Variants in SPON1 observed in about 807,000 individuals in gnomAD.
The protein encoded by SPON1 is spondin-1.
Under a neutral mutation model 111.7 loss-of-function variants are expected in SPON1, and 52 were observed. The observed-to-expected ratio is 0.47, with a 90% CI of 0.37 to 0.59. The LOEUF is 0.59. Among genes scored for constraint, SPON1 ranks in the 20% least tolerant of loss-of-function variants. The probability of loss-of-function intolerance (pLI) is 0.00; values close to 1 mark genes in which losing one functional copy is unlikely to be tolerated. For missense variants in SPON1, 957 were observed against 1,068.5 expected, an observed-to-expected ratio of 0.90 and a Z score of 1.46; for synonymous variants, 410 against 395.8, an observed-to-expected ratio of 1.04 and a Z score of -0.43.
chr11:14,007,352 G>T (rs1284543987), intron 2 of SPON1, among the ~76,000 whole-genome samples: 3 of 152,188 alleles, frequency 2.0e-5, no homozygotes, highest in Non-Finnish European at 4.4e-5. Context: ...TGAGGAGCAA[G>T]GAGAGCCAGT....
At chr11:14,067,176 C>CAA (rs147211848) in intron 3 of SPON1, among the ~76,000 whole-genome samples, 5 of 151,270 alleles carry the variant, frequency 3.3e-5, no homozygotes, top group South Asian at 2.1e-4. Flanking sequence ...GACTCTGCCT[C>CAA]AAAAAAAACA....
intron 2 of SPON1, among the ~76,000 whole-genome samples, chr11:14,041,046 G>A (rs1233151567): frequency 6.6e-6 from 1 of 152,166 alleles, no homozygotes; most frequent in Non-Finnish European, 1.5e-5. Context: ...TAGGAACTGC[G>A]CTAGTAAAAA....
intron 6 of SPON1, among the ~76,000 whole-genome samples, chr11:14,182,932 AT>A (rs1219210087): frequency 1.3e-5 from 2 of 152,176 alleles, no homozygotes; most frequent in Non-Finnish European, 2.9e-5. Flanking sequence ...GAGACCAGCA[AT>A]TAGTTGCCGT....
intron 2 of SPON1, among the ~76,000 whole-genome samples, chr11:14,040,713 T>C (rs1554917201): frequency 6.6e-6 from 1 of 152,140 alleles, no homozygotes; most frequent in Non-Finnish European, 1.5e-5. Flanking sequence ...CTAGAACATA[T>C]TAAACACTCA....
chr11:14,112,349 A>C (rs984342745), intron 5 of SPON1, among the ~76,000 whole-genome samples: 1 of 152,208 alleles, frequency 6.6e-6, no homozygotes, highest in African/African-American at 2.4e-5. Context: ...CCAGCATTGT[A>C]CCAATTCTAA....
intron 6 of SPON1, among the ~76,000 whole-genome samples, chr11:14,182,952 G>C (rs1237001621): frequency 1.3e-5 from 2 of 152,200 alleles, no homozygotes; most frequent in African/African-American, 2.4e-5. Flanking sequence ...GTCCAAGCTA[G>C]TGTCTCTGCA....
intron 3 of SPON1, among the ~76,000 whole-genome samples, chr11:14,044,090 T>C (rs1394942487): frequency 1.4e-5 from 2 of 140,624 alleles, no homozygotes; most frequent in Admixed American, 1.4e-4. Flanking sequence ...GCCCTGGGGA[T>C]ATTAGGCAAG....
At chr11:14,026,026 TC>T (rs1554915269) in intron 2 of SPON1, among the ~76,000 whole-genome samples, 1 of 152,200 alleles carries the variant, frequency 6.6e-6, no homozygotes, top group East Asian at 1.9e-4. Flanking sequence ...TGAAAGAGCT[TC>T]CTCCTGTCAT....
chr11:14,253,230 A>G (rs536557222), intron 7 of SPON1, among the ~76,000 whole-genome samples: 9 of 152,342 alleles, frequency 5.9e-5, no homozygotes, highest in Admixed American at 2.0e-4. Flanking sequence ...AAGTCCATTC[A>G]GGAAGGCTTT....
intron 3 of SPON1, among the ~76,000 whole-genome samples, chr11:14,046,451 T>C (rs548349140): frequency 1.3e-5 from 2 of 152,324 alleles, no homozygotes; most frequent in South Asian, 4.1e-4. Context: ...ATCTACCTAT[T>C]TTTCCCCAAA....
chr11:14,063,754 C>T (rs1270356942), intron 3 of SPON1, among the ~76,000 whole-genome samples: 1 of 152,210 alleles, frequency 6.6e-6, no homozygotes, highest in Non-Finnish European at 1.5e-5. Context: ...TGCTTGGTTT[C>T]ACCTCCTGGT....
intron 6 of SPON1, among the ~76,000 whole-genome samples, chr11:14,199,030 A>C (rs558184648): frequency 6.6e-6 from 1 of 152,292 alleles, no homozygotes; most frequent in Admixed American, 6.5e-5. Context: ...CATAAGTAAT[A>C]GTGTTTCCTA....
chr11:14,036,194 G>T (rs1554916612), intron 2 of SPON1, among the ~76,000 whole-genome samples: 1 of 152,164 alleles, frequency 6.6e-6, no homozygotes, highest in Non-Finnish European at 1.5e-5. Context: ...TGAGGAAGGA[G>T]ATAATTATAT....
rs149809812 is a variant in SPON1 at position 14,132,271 on chromosome 11, C to A, written c.677-3149C>A. Among the ~76,000 whole-genome samples, 422 of 151,280 alleles carry A rather than the reference C, an allele frequency of 2.8e-3. 1 individual carries two copies. The highest frequency in any genetic ancestry group is 9.3e-3 in the African/African-American group (385 of 41,214). On this transcript the variant is annotated intron_variant, in intron 5 of 15. Transcript: ENST00000576479. The stretch of plus-strand genomic sequence containing the variant: ...CTAGCCCAGGCAACAGTACAAGACT[C>A]CGTCTCAAAAAAAAAAAAATTGAAT...
intron 6 of SPON1, among the ~76,000 whole-genome samples, chr11:14,162,111 T>A (rs1431849393): frequency 2.1e-5 from 3 of 144,202 alleles, no homozygotes; most frequent in African/African-American, 7.9e-5. Flanking sequence ...CGAGCTGAGA[T>A]AGTGCCACTG....
At position 13,963,001 on chromosome 11, in the gene SPON1, AC is replaced by A. The variant is rs1554907659; in HGVS notation, c.100del (p.Leu34TrpfsTer47). Reference sequence around the variant, plus strand: ...CGCGGCGCTGGCCTTCTCCGACGAGACCCTGGACAAAGTGCCCAAGTCAGAG... The same window carrying A: ...CGCGGCGCTGGCCTTCTCCGACGAGACCTGGACAAAGTGCCCAAGTCAGAG... Reference protein sequence around the residue: ...LAAALAFSDETLDKVPKSEGY... With the variant: ...LAAALAFSDEXLDKVPKSEGY... On this transcript the variant is annotated frameshift_variant, in exon 1 of 16. Transcript: ENST00000576479. LOFTEE classifies it high-confidence loss of function. The A allele has an allele frequency of 1.3e-6, 2 of 1,594,116 alleles. No homozygotes were observed. The highest frequency in any genetic ancestry group is 1.1e-5 in the South Asian group (1 of 87,812).
At chr11:14,172,253 T>G (rs1474817497) in intron 6 of SPON1, among the ~76,000 whole-genome samples, 2 of 152,118 alleles carry the variant, frequency 1.3e-5, no homozygotes, top group African/African-American at 4.8e-5. Context: ...GTAATGGCTT[T>G]CTTTGTCTCT....
intron 6 of SPON1, among the ~76,000 whole-genome samples, chr11:14,160,788 A>G (rs1212460216): frequency 1.9e-5 from 1 of 53,298 alleles, no homozygotes; most frequent in East Asian, 8.0e-4. Flanking sequence ...ATTTTTATAT[A>G]TATTTATATA....
intron 5 of SPON1, among the ~76,000 whole-genome samples, chr11:14,102,980 T>C (rs1162249952): frequency 6.6e-6 from 1 of 152,212 alleles, no homozygotes; most frequent in Non-Finnish European, 1.5e-5. Context: ...TCTCTTTCGC[T>C]AGTTGTACTG....
Sources: allele counts gnomAD v4.1 joint callset (sites outside exome capture counted in the v4.1 genomes callset), GRCh38; gene constraint gnomAD v4.1.1; transcripts MANE v1.5; gene names NCBI Gene and HGNC (gene_info 2026-07-23, HGNC 2026-07-21).